Variants in ATF3 observed in about 807,000 individuals in gnomAD.
ATF3 encodes activating transcription factor 3.
In ATF3, 10 loss-of-function variants were observed where a neutral mutation model predicts 18.4. The ratio of observed to expected loss-of-function variants is 0.54; its 90% CI spans 0.34 to 0.92. ATF3 has a LOEUF of 0.92. Ranked by LOEUF, ATF3 falls within the 40% of genes least tolerant of loss-of-function variation. The pLI, the probability that ATF3 is intolerant of heterozygous loss-of-function variation, is 0.02. For synonymous variants in ATF3, 78 were observed against 87.9 expected (o/e 0.89, Z 0.63); for missense variants, 183 against 222.3 (o/e 0.82, Z 1.12).
intron 1 of ATF3, among the ~76,000 whole-genome samples, chr1:212,603,284 G>T (rs1041993372): frequency 2.0e-5 from 3 of 152,206 alleles, no homozygotes; most frequent in Non-Finnish European, 4.4e-5. Flanking sequence ...CCATGCTGCA[G>T]ACTACATTTT....
At chr1:212,571,134 C>T (rs1480014714) in intron 1 of ATF3, among the ~76,000 whole-genome samples, 3 of 152,176 alleles carry the variant, frequency 2.0e-5, no homozygotes, top group African/African-American at 7.2e-5. Flanking sequence ...TTGGTGTTGT[C>T]AGACTTTTCT....
At chr1:212,593,054 G>A (rs36175579) in intron 1 of ATF3, among the ~76,000 whole-genome samples, 38,182 of 147,762 alleles carry the variant, frequency 0.26, 5,517 homozygotes, top group African/African-American at 0.4. Flanking sequence ...GTCCAACAGT[G>A]ATAGACTGGA....
chr1:212,597,925 G>T (rs545149660), intron 1 of ATF3, among the ~76,000 whole-genome samples: 2 of 152,268 alleles, frequency 1.3e-5, no homozygotes, highest in South Asian at 2.1e-4. Flanking sequence ...CTGGCACATG[G>T]TAGGCATTCA....
chr1:212,608,723 G>A (rs1243838057), upstream of ATF3: 1 of 150,960 alleles, frequency 6.6e-6, no homozygotes, highest in African/African-American at 2.4e-5. Context: ...CCGCCAGCCT[G>A]AGGGCTATAA....
chr1:212,566,475 A>G (rs975718685), intron 1 of ATF3, among the ~76,000 whole-genome samples: 2 of 152,190 alleles, frequency 1.3e-5, no homozygotes, highest in African/African-American at 2.4e-5. Flanking sequence ...CAGAGGCACA[A>G]TGTGGATGTA....
intron 1 of ATF3, among the ~76,000 whole-genome samples, chr1:212,569,596 T>C (rs1413383898): frequency 6.6e-6 from 1 of 152,112 alleles, no homozygotes; most frequent in East Asian, 1.9e-4. Flanking sequence ...CCAGTAAATT[T>C]TTTTTTGGCT....
At chr1:212,612,828 C>G (rs1654951177) in intron 1 of ATF3, among the ~76,000 whole-genome samples, 1 of 152,148 alleles carries the variant, frequency 6.6e-6, no homozygotes, top group South Asian at 2.1e-4. Context: ...AAGTGGGTGA[C>G]CAGCTGCCCT....
At chr1:212,580,156 C>CAAA (rs368461154) in intron 1 of ATF3, among the ~76,000 whole-genome samples, 11,133 of 148,496 alleles carry the variant, frequency 0.075, 858 homozygotes, top group African/African-American at 0.21. Flanking sequence ...GACTCCGTCT[C>CAAA]AAAAAAAAAG....
chr1:212,579,172 T>C (rs935115815), intron 1 of ATF3, among the ~76,000 whole-genome samples: 1 of 151,738 alleles, frequency 6.6e-6, no homozygotes, highest in Non-Finnish European at 1.5e-5. Context: ...CCACCATGCC[T>C]GGTTAATTTT....
chr1:212,586,033 C>T (rs1664773522), intron 1 of ATF3, among the ~76,000 whole-genome samples: 1 of 152,212 alleles, frequency 6.6e-6, no homozygotes, highest in Non-Finnish European at 1.5e-5. Flanking sequence ...GGTCCTCCAG[C>T]CCCTCTCAAC....
chr1:212,594,221 T>C (rs1284276228), intron 1 of ATF3, among the ~76,000 whole-genome samples: 3 of 152,162 alleles, frequency 2.0e-5, no homozygotes, highest in Admixed American at 6.5e-5. Flanking sequence ...CCTGGGGAAA[T>C]GATGCATGAG....
At chr1:212,588,028 G>A (rs547944797) in intron 1 of ATF3, among the ~76,000 whole-genome samples, 12 of 151,470 alleles carry the variant, frequency 7.9e-5, no homozygotes, top group African/African-American at 9.8e-5. Context: ...ATTATGGGAG[G>A]TGAGTGAGAG....
At chr1:212,616,511 T>C (rs1372954741) in intron 2 of ATF3, among the ~76,000 whole-genome samples, 1 of 152,178 alleles carries the variant, frequency 6.6e-6, no homozygotes, top group African/African-American at 2.4e-5. Flanking sequence ...TTGGCCAGGC[T>C]GGTCTCGAAC....
At chr1:212,613,368 G>A (rs905104510) in intron 1 of ATF3, 1 of 152,104 alleles carries the variant, frequency 6.6e-6, no homozygotes, top group Admixed American at 6.6e-5. Context: ...TTTTTGTAAT[G>A]TAGAATAATA....
chr1:212,572,003 C>T (rs1219100077), intron 1 of ATF3, among the ~76,000 whole-genome samples: 1 of 152,096 alleles, frequency 6.6e-6, no homozygotes, highest in Non-Finnish European at 1.5e-5. Flanking sequence ...TGAGCCACCG[C>T]GCCCGGCCGC....
intron 1 of ATF3, among the ~76,000 whole-genome samples, chr1:212,590,179 G>A (rs1029540132): frequency 7.3e-5 from 11 of 151,574 alleles, no homozygotes; most frequent in Non-Finnish European, 1.6e-4. Context: ...ACAATTAAAA[G>A]TGAAACATTT....
intron 1 of ATF3, among the ~76,000 whole-genome samples, chr1:212,585,100 C>A (rs1034719067): frequency 6.6e-6 from 1 of 152,138 alleles, no homozygotes; most frequent in African/African-American, 2.4e-5. Context: ...GGTGGGAGGG[C>A]CTCTAAGGGG....
intron 1 of ATF3, among the ~76,000 whole-genome samples, chr1:212,577,503 C>T (rs569708747): frequency 6.6e-6 from 1 of 152,194 alleles, no homozygotes; most frequent in South Asian, 2.1e-4. Context: ...AGATCTCAAA[C>T]TTATTCCTTC....
intron 1 of ATF3, among the ~76,000 whole-genome samples, chr1:212,612,897 T>C (rs966427081): frequency 2.6e-5 from 4 of 152,186 alleles, no homozygotes; most frequent in Non-Finnish European, 5.9e-5. Context: ...GAGAGATCTC[T>C]GGGAGGCCTA....
Sources: gnomAD v4.1 joint callset for allele counts (sites outside exome capture counted in the v4.1 genomes callset) on GRCh38, gnomAD v4.1.1 for gene constraint, MANE v1.5 for transcripts, NCBI Gene and HGNC (gene_info 2026-07-23, HGNC 2026-07-21) for gene names.